The following RNF19A variants were observed in gnomAD, a reference collection of about 807,000 sequenced individuals.
RNF19A encodes the protein ring finger protein 19A, RBR E3 ubiquitin protein ligase, also known as E3 ubiquitin-protein ligase RNF19A.
In RNF19A, 32 loss-of-function variants were observed where a neutral mutation model predicts 75.7. The ratio of observed to expected loss-of-function variants is 0.42; its 90% CI spans 0.32 to 0.57. The LOEUF (loss-of-function observed/expected upper bound fraction) is 0.57, where lower values mean the gene tolerates loss of function less well. Ranked by LOEUF, RNF19A falls within the 20% of genes least tolerant of loss-of-function variation. RNF19A has a pLI of 0.10. For synonymous variants in RNF19A, 335 were observed against 345.2 expected, an observed-to-expected ratio of 0.97 and a Z score of 0.33; for missense variants, 782 against 1,036.3, an observed-to-expected ratio of 0.75 and a Z score of 3.37.
At chr8:100,321,948 G>T (rs952428721) in intron 1 of RNF19A, among the ~76,000 whole-genome samples, 3 of 152,008 alleles carry the variant, frequency 2.0e-5, no homozygotes, top group Non-Finnish European at 4.4e-5. Context: ...AGGCTTTGTT[G>T]TTCCGTTTCT....
chr8:100,277,538 T>C (rs1820585856), intron 2 of RNF19A, among the ~76,000 whole-genome samples: 2 of 152,172 alleles, frequency 1.3e-5, no homozygotes, highest in Admixed American at 6.5e-5. Flanking sequence ...GGTCTTGATT[T>C]CCTGACCTTG....
chr8:100,331,507 T>C lies in RNF19A; in HGVS notation c.-243+4601A>G, dbSNP rs974053148. Among the ~76,000 whole-genome samples the C allele has an allele frequency of 6.6e-6, 1 of 152,004 alleles. No individual in the cohort carries two copies. Among genetic ancestry groups the C allele is most frequent in the East Asian group, 1.9e-4 (1 of 5,170 alleles). ...TAAAAAGTAGCTGGGCATGGTGGCATGCACCAGCAGTCCCAGCTACTCGGG... is the reference window on the plus strand; with the variant it reads ...TAAAAAGTAGCTGGGCATGGTGGCACGCACCAGCAGTCCCAGCTACTCGGG... On this transcript the variant is annotated intron_variant, in intron 1 of 3. Transcript: ENST00000519527. This position sits in a 1 kb window ranked among gnomAD's most constrained non-coding sequence, Gnocchi z 5.2.
chr8:100,293,293 T>C (rs1821395645), intron 1 of RNF19A, among the ~76,000 whole-genome samples: 1 of 152,342 alleles, frequency 6.6e-6, no homozygotes, highest in East Asian at 1.9e-4. Flanking sequence ...GCAGGTCTCC[T>C]AGCAATGAAT....
intron 7 of RNF19A, among the ~76,000 whole-genome samples, chr8:100,262,444 C>A (rs1275611981): frequency 6.6e-6 from 1 of 151,764 alleles, no homozygotes; most frequent in Non-Finnish European, 1.5e-5. Context: ...AAAGAGTATT[C>A]CAGACAGAGA....
At chr8:100,334,506 C>T (rs138744553) in intron 1 of RNF19A, among the ~76,000 whole-genome samples, 1 of 152,320 alleles carries the variant, frequency 6.6e-6, no homozygotes, top group Admixed American at 6.5e-5. Flanking sequence ...AGCCCCAGAA[C>T]ATTGGGGTTC....
Position 100,259,109 on chromosome 8 carries a change from T to A in RNF19A, c.1964A>T (p.Glu655Val), listed in dbSNP as rs1563829224. The A allele has an allele frequency of 6.2e-7, 1 of 1,614,062 alleles. No homozygotes were observed. The highest frequency in any genetic ancestry group is 8.5e-7 in the Non-Finnish European group (1 of 1,180,030). Residue 655 changes from glutamate to valine, a missense_variant, in exon 10 of 10, where the codon GAA becomes GTA. Physicochemically the swap from Glu to Val is moderately radical, Grantham distance 121. Transcript: ENST00000341084. This position sits in a 1 kb window ranked among gnomAD's most constrained non-coding sequence, Gnocchi z 4.5. ...CCACTTGGTGGCACTAGATTTACCT[T>A]CAGGCAAGCCACTGGATGAACCGCC... ...HAGGSSSGLP[E>V]GKSSATKWSK...
chr8:100,310,808 T>C (rs78190387), upstream of RNF19A, among the ~76,000 whole-genome samples: 970 of 152,326 alleles, frequency 6.4e-3, 9 homozygotes, highest in African/African-American at 0.021. Context: ...TCCTATTTCA[T>C]CTCTAATACA....
At chr8:100,305,603 G>A (rs1822033187) in intron 1 of RNF19A, among the ~76,000 whole-genome samples, 1 of 152,084 alleles carries the variant, frequency 6.6e-6, no homozygotes, top group Non-Finnish European at 1.5e-5. Context: ...ATTTCTATTG[G>A]ACAACACTGC....
intron 1 of RNF19A, among the ~76,000 whole-genome samples, chr8:100,316,796 C>G (rs915410117): frequency 6.6e-6 from 1 of 152,218 alleles, no homozygotes; most frequent in Non-Finnish European, 1.5e-5. Context: ...CTTGGGTGGT[C>G]TGTGGGATTG....
Position 100,288,239 on chromosome 8 carries a change from A to G in RNF19A, c.-65T>C. 1 of 1,472,706 alleles carries G rather than the reference A, an allele frequency of 6.8e-7. No individual in the cohort carries two copies. Among genetic ancestry groups the G allele is most frequent in the Non-Finnish European group, 9.0e-7 (1 of 1,115,426 alleles). 91.2% of individuals were successfully genotyped at this position (1,472,706 alleles called of 1,614,324 possible). ...CTTCAGAGAATTCTTGAAAAGTTCG[A>G]TTTACAGAAGACTGCTATCATGGAT... is the stretch of plus-strand genomic sequence containing the variant. On this transcript the variant is annotated 5_prime_UTR_variant, in exon 2 of 10. Transcript: ENST00000341084.
intron 3 of RNF19A, among the ~76,000 whole-genome samples, chr8:100,273,991 C>T (rs1288365550): frequency 1.3e-5 from 2 of 152,024 alleles, no homozygotes; most frequent in African/African-American, 4.8e-5. Context: ...CACCATGTTG[C>T]CCAGGCTGGT....
At chr8:100,314,086 C>T (rs1788169), upstream of RNF19A, among the ~76,000 whole-genome samples, 48,911 of 151,204 alleles carry the variant, frequency 0.32, 8,579 homozygotes, top group East Asian at 0.41. The surrounding 1 kb of genome is among the most constrained non-coding windows in gnomAD (Gnocchi z 4.1). Context: ...TTTGCCATGT[C>T]GCTCAGGTGG....
chr8:100,318,032 C>T (rs963149919), intron 1 of RNF19A, among the ~76,000 whole-genome samples: 14 of 152,138 alleles, frequency 9.2e-5, no homozygotes, highest in African/African-American at 3.1e-4. Flanking sequence ...TGGCTCCTTC[C>T]TCCCCTCAGA....
At chr8:100,319,777 A>G (rs1215477846) in intron 1 of RNF19A, among the ~76,000 whole-genome samples, 35 of 138,736 alleles carry the variant, frequency 2.5e-4, no homozygotes, top group East Asian at 6.4e-4. Context: ...TGGCCCAACT[A>G]CCTCAGCCTC....
chr8:100,290,339 T>C (rs1285966392), intron 1 of RNF19A, among the ~76,000 whole-genome samples: 1 of 152,174 alleles, frequency 6.6e-6, no homozygotes, highest in African/African-American at 2.4e-5. Context: ...TGACCTCAAG[T>C]GATCCGCCCG....
rs1820949681 is a variant in RNF19A at position 100,285,000 on chromosome 8, ACATCCCCTCTT to A, written c.674+2490_674+2500del. On this transcript the variant is annotated intron_variant, in intron 2 of 9. Transcript: ENST00000341084. The surrounding 1 kb of genome is among the most constrained non-coding windows in gnomAD (Gnocchi z 4.3). ...GTAACTTGGTTACCCCCTGAAGTTC[ACATCCCCTCTT>A]CCTACTCTCAAGAGGTAACCAATAA... Among the ~76,000 whole-genome samples the A allele has an allele frequency of 2.0e-5, 3 of 152,312 alleles. No individual in the cohort carries two copies. The highest frequency in any genetic ancestry group is 2.0e-4 in the Admixed American group (3 of 15,304).
intron 1 of RNF19A, among the ~76,000 whole-genome samples, chr8:100,319,055 A>G (rs1228227082): frequency 6.6e-6 from 1 of 152,240 alleles, no homozygotes; most frequent in East Asian, 1.9e-4. Flanking sequence ...CTGAATAAAG[A>G]AATTCACCGT....
At chr8:100,304,172 G>A (rs1007991642) in intron 1 of RNF19A, among the ~76,000 whole-genome samples, 1 of 152,024 alleles carries the variant, frequency 6.6e-6, no homozygotes, top group African/African-American at 2.4e-5. Context: ...ATGTTGGCCA[G>A]GCTGGTCTCG....
chr8:100,276,579 C>T (rs916535942), intron 2 of RNF19A, among the ~76,000 whole-genome samples: 12 of 151,696 alleles, frequency 7.9e-5, no homozygotes, highest in Admixed American at 1.3e-4. Flanking sequence ...TGGCAAAACC[C>T]CATCTCTACA....
Sources: allele counts gnomAD v4.1 joint callset (sites outside exome capture counted in the v4.1 genomes callset), GRCh38; gene constraint gnomAD v4.1.1; non-coding constraint Gnocchi (gnomAD v3.1); transcripts MANE v1.5; gene names NCBI Gene and HGNC (gene_info 2026-07-23, HGNC 2026-07-21).